Variants in TRPM6 observed in about 807,000 individuals in gnomAD.
The protein encoded by TRPM6 is transient receptor potential cation channel subfamily M member 6.
TRPM6 carries 111 observed loss-of-function variants against 247.6 expected under a neutral mutation model. The ratio of observed to expected loss-of-function variants is 0.45; its 90% CI spans 0.38 to 0.52. The LOEUF (loss-of-function observed/expected upper bound fraction) is 0.52, where lower values mean the gene tolerates loss of function less well. Ranked by LOEUF, TRPM6 falls within the 20% of genes least tolerant of loss-of-function variation. The probability of loss-of-function intolerance (pLI) is 0.00; values close to 1 mark genes in which losing one functional copy is unlikely to be tolerated. For synonymous variants in TRPM6, 892 were observed against 853.8 expected (o/e 1.04, Z -0.78); for missense variants, 2,126 against 2,421.5 (o/e 0.88, Z 2.56).
chr9:74,858,622 A>G (rs183878382), intron 2 of TRPM6, 47 bp downstream of exon 2: 62 of 1,222,408 alleles, frequency 5.1e-5, no homozygotes, highest in Middle Eastern at 1.9e-4. Context: ...TAAATAGTCC[A>G]TCAGGTAGTG....
In TRPM6 at chr9:74,723,639, C is replaced by A. The variant is rs1825212681; in HGVS notation, c.*974G>T. The A allele has an allele frequency of 6.6e-6, 1 of 151,260 alleles. No homozygotes were observed. Among genetic ancestry groups the A allele is most frequent in the African/African-American group, 2.4e-5 (1 of 41,170 alleles). The allele number at this position is 151,260 out of a possible 1,614,324, so 9.4% of individuals were successfully genotyped here. The stretch of plus-strand genomic sequence containing the variant: ...CCAACATGGTGAAACCCCATCTCTA[C>A]TAAAAATACAAAATTAGCCAGGCAT... On this transcript the variant is annotated 3_prime_UTR_variant, in exon 39 of 39. Transcript: ENST00000360774.
chr9:74,828,542 G>C (rs1829431465), intron 6 of TRPM6, among the ~76,000 whole-genome samples: 1 of 152,018 alleles, frequency 6.6e-6, no homozygotes, highest in Non-Finnish European at 1.5e-5. Flanking sequence ...ACCCTGTTCA[G>C]CAAGATTAGC....
chr9:74,855,807 T>A lies in TRPM6; in HGVS notation c.114-242A>T, dbSNP rs73536119. Among the ~76,000 whole-genome samples the A allele has an allele frequency of 0.033, 5,043 of 152,262 alleles. 300 individuals are homozygous for A. Among genetic ancestry groups the A allele is most frequent in the African/African-American group, 0.12 (4,847 of 41,534 alleles). ...ATACCTCAATTTAAATCTCATTGAT[T>A]TAACAATTACTCTAAGCCCCAGTTT... On this transcript the variant is annotated intron_variant, in intron 2 of 38. Transcript: ENST00000360774.
chr9:74,852,557 T>TGCCGCCACCATCTCGGCTCACTGC (rs1830367357), intron 3 of TRPM6, among the ~76,000 whole-genome samples: 2 of 152,036 alleles, frequency 1.3e-5, no homozygotes, highest in African/African-American at 4.8e-5. Context: ...AGGCGGACTG[T>TGCCGCCACCATCTCGGCTCACTGC]GCCGCCACCA....
At chr9:74,793,346 T>C (rs1413171570) in intron 18 of TRPM6, among the ~76,000 whole-genome samples, 1 of 152,104 alleles carries the variant, frequency 6.6e-6, no homozygotes, top group African/African-American at 2.4e-5. Flanking sequence ...TGGTCCCTGT[T>C]CCCAATATCC....
At chr9:74,803,943 T>C in intron 14 of TRPM6, 57 bp from the exon 15 acceptor site, 2 of 1,125,740 alleles carry the variant, frequency 1.8e-6, no homozygotes, top group South Asian at 2.5e-5. Context: ...ATTTTATTTT[T>C]AAAATAAAAC....
intron 14 of TRPM6, among the ~76,000 whole-genome samples, chr9:74,805,110 A>G (rs1587525812): frequency 6.6e-6 from 1 of 152,244 alleles, no homozygotes; most frequent in Non-Finnish European, 1.5e-5. Context: ...TTTTTCTAAC[A>G]TAATTGGATA....
At chr9:74,755,293 C>CCGTA (rs1410911743) in intron 28 of TRPM6, 60 bp downstream of exon 28, 2 of 1,591,382 alleles carry the variant, frequency 1.3e-6, no homozygotes, top group Non-Finnish European at 1.7e-6. Context: ...GGTCTAAAGA[C>CCGTA]CGTACCCTGA....
chr9:74,861,520 A>T (rs1331741356), intron 1 of TRPM6, among the ~76,000 whole-genome samples: 1 of 152,238 alleles, frequency 6.6e-6, no homozygotes, highest in Non-Finnish European at 1.5e-5. Flanking sequence ...GCTGTGCTCA[A>T]CCATTCACTT....
At chr9:74,775,853 C>G in intron 24 of TRPM6, 30 bp downstream of exon 24, 2 of 1,612,718 alleles carry the variant, frequency 1.2e-6, no homozygotes, top group Non-Finnish European at 1.7e-6. Flanking sequence ...TTTTTGCTCT[C>G]TTTCTCCTGC....
intron 5 of TRPM6, among the ~76,000 whole-genome samples, chr9:74,838,063 G>T (rs1829790641): frequency 6.6e-6 from 1 of 151,996 alleles, no homozygotes. Flanking sequence ...CTGTTGTTTA[G>T]TGGAGATCCA....
intron 1 of TRPM6, among the ~76,000 whole-genome samples, chr9:74,868,759 C>T (rs761060974): frequency 2.0e-5 from 3 of 152,064 alleles, no homozygotes; most frequent in African/African-American, 7.2e-5. Context: ...TGGTTAGAAA[C>T]GTGGAGATTT....
At chr9:74,769,534 G>A (rs1409042944) in intron 25 of TRPM6, among the ~76,000 whole-genome samples, 3 of 151,962 alleles carry the variant, frequency 2.0e-5, no homozygotes, top group South Asian at 2.1e-4. Context: ...CGAGGGGGGC[G>A]GATCATGAGG....
chr9:74,879,039 A>G (rs1032670048), intron 1 of TRPM6, among the ~76,000 whole-genome samples: 6 of 152,146 alleles, frequency 3.9e-5, no homozygotes, highest in Admixed American at 2.6e-4. Context: ...TAAAAAGCTC[A>G]GTGAGATACA....
At chr9:74,810,053 C>G (rs921037244) in intron 13 of TRPM6, among the ~76,000 whole-genome samples, 4 of 143,714 alleles carry the variant, frequency 2.8e-5, no homozygotes, top group African/African-American at 1.0e-4. Flanking sequence ...TCAACATAAA[C>G]TGAAAGCTCA....
rs74750386 is a variant in TRPM6, at chr9:74,777,947, C to A, written c.3210-1871G>T. Among the ~76,000 whole-genome samples, 1,185 of 152,278 alleles carry A rather than the reference C, an allele frequency of 7.8e-3. 9 individuals are homozygous for A. The highest frequency in any genetic ancestry group is 0.027 in the African/African-American group (1,135 of 41,554). On this transcript the variant is annotated intron_variant, in intron 23 of 38. Transcript: ENST00000360774. ...AGTTTCAAGAAAAAAAATGAAAGGT[C>A]ACTCTTTTCTCTTTAAACACTGATG...
intron 3 of TRPM6, among the ~76,000 whole-genome samples, chr9:74,850,917 A>G (rs1830286670): frequency 6.6e-6 from 1 of 151,548 alleles, no homozygotes; most frequent in Non-Finnish European, 1.5e-5. Context: ...AGCAGCATCT[A>G]TTCAAACACA....
intron 1 of TRPM6, among the ~76,000 whole-genome samples, chr9:74,859,757 G>A (rs890464721): frequency 6.7e-6 from 1 of 148,960 alleles, no homozygotes; most frequent in South Asian, 2.1e-4. Flanking sequence ...CTGGGTGGCA[G>A]AGCGAGACTC....
chr9:74,793,493 A>G (rs1300961269), intron 18 of TRPM6, among the ~76,000 whole-genome samples: 1 of 152,110 alleles, frequency 6.6e-6, no homozygotes, highest in Non-Finnish European at 1.5e-5. Flanking sequence ...CTGGGCTTAC[A>G]GTCACCCGCC....
Sources: allele counts gnomAD v4.1 joint callset (sites outside exome capture counted in the v4.1 genomes callset), GRCh38; gene constraint gnomAD v4.1.1; transcripts MANE v1.5; gene names NCBI Gene and HGNC (gene_info 2026-07-23, HGNC 2026-07-21).